MDGA2: variants seen among roughly 807,000 people sequenced by gnomAD.
MDGA2 encodes the protein MAM domain-containing glycosylphosphatidylinositol anchor protein 2.
In MDGA2, 40 loss-of-function variants were observed where a neutral mutation model predicts 117.8. The observed-to-expected ratio is 0.34, with a 90% CI of 0.26 to 0.44. MDGA2 has a LOEUF of 0.44. MDGA2 is among the 20% of genes least tolerant of loss of function. The pLI is 1.00. For synonymous variants in MDGA2, 452 were observed against 439.0 expected (o/e 1.03, Z -0.37); for missense variants, 1,123 against 1,250.6 (o/e 0.90, Z 1.54).
At chr14:47,044,906 T>C (rs765873088) in intron 7 of MDGA2, among the ~76,000 whole-genome samples, 2 of 152,060 alleles carry the variant, frequency 1.3e-5, no homozygotes, top group African/African-American at 2.4e-5. Flanking sequence ...TTGAAACATA[T>C]GGGGAGAAAT....
intron 1 of MDGA2, among the ~76,000 whole-genome samples, chr14:47,552,677 G>A (rs766221409): frequency 4.6e-5 from 7 of 151,854 alleles, no homozygotes; most frequent in Admixed American, 6.6e-5. Context: ...AAATGTAAGA[G>A]AAAAAGTCAG....
chr14:46,996,484 G>T (rs148714035), intron 8 of MDGA2: 1 of 152,278 alleles, frequency 6.6e-6, no homozygotes, highest in Non-Finnish European at 1.5e-5. Context: ...GAACACTGAC[G>T]TCGTCTCAGA....
chr14:47,177,731 C>T (rs1269209780), intron 3 of MDGA2, among the ~76,000 whole-genome samples: 2 of 152,016 alleles, frequency 1.3e-5, no homozygotes, highest in Non-Finnish European at 2.9e-5. Context: ...AGCACACCAG[C>T]ATGGCACACG....
chr14:47,638,300 G>C (rs1566553286), intron 1 of MDGA2, among the ~76,000 whole-genome samples: 1 of 152,160 alleles, frequency 6.6e-6, no homozygotes, highest in African/African-American at 2.4e-5. Flanking sequence ...TTCAGGGGAA[G>C]ATAATAAATT....
intron 3 of MDGA2, among the ~76,000 whole-genome samples, chr14:47,175,136 C>G (rs927974025): frequency 3.4e-4 from 51 of 151,738 alleles, no homozygotes; most frequent in African/African-American, 1.1e-3. Flanking sequence ...ATAACAGGCT[C>G]TGAAATTGTG....
At chr14:47,066,031 T>C (rs1199367392) in intron 6 of MDGA2, among the ~76,000 whole-genome samples, 3 of 152,176 alleles carry the variant, frequency 2.0e-5, no homozygotes, top group African/African-American at 7.2e-5. Flanking sequence ...GTGTGAAAGA[T>C]GAAGTATTTT....
chr14:47,539,942 C>A (rs563001600), intron 1 of MDGA2, among the ~76,000 whole-genome samples: 1 of 152,314 alleles, frequency 6.6e-6, no homozygotes, highest in African/African-American at 2.4e-5. Context: ...CCATTCAGGG[C>A]ATCTGCCCTT....
intron 1 of MDGA2, among the ~76,000 whole-genome samples, chr14:47,443,818 G>A (rs998191241): frequency 1.1e-4 from 16 of 152,042 alleles, no homozygotes; most frequent in African/African-American, 2.4e-4. Flanking sequence ...TTGGAATTTC[G>A]GCATCCATAA....
chr14:47,446,112 T>TA (rs1022879640), intron 1 of MDGA2, among the ~76,000 whole-genome samples: 15 of 152,078 alleles, frequency 9.9e-5, no homozygotes, highest in African/African-American at 3.6e-4. Flanking sequence ...CTCACTTCCT[T>TA]AAAAAAATTA....
At chr14:47,159,941 TTTC>T (rs1339536031) in intron 3 of MDGA2, among the ~76,000 whole-genome samples, 1 of 152,230 alleles carries the variant, frequency 6.6e-6, no homozygotes, top group Admixed American at 6.5e-5. Flanking sequence ...ATGACTGTCT[TTTC>T]TTGCATAGCT....
intron 8 of MDGA2, among the ~76,000 whole-genome samples, chr14:46,979,031 T>C (rs1886570508): frequency 6.6e-6 from 1 of 152,170 alleles, no homozygotes; most frequent in African/African-American, 2.4e-5. Flanking sequence ...CAACCCTGCA[T>C]TGAGCAAATT....
chr14:47,354,563 C>T (rs1465937456), intron 1 of MDGA2, among the ~76,000 whole-genome samples: 3 of 152,214 alleles, frequency 2.0e-5, no homozygotes, highest in Non-Finnish European at 4.4e-5. Flanking sequence ...TGCCGCTACT[C>T]CACCTCTAAA....
intron 1 of MDGA2, among the ~76,000 whole-genome samples, chr14:47,365,102 GAACTA>G (rs1233955165): frequency 6.6e-6 from 1 of 152,176 alleles, no homozygotes; most frequent in Non-Finnish European, 1.5e-5. Context: ...TGGGATTGGG[GAACTA>G]AACAGTTGCC....
At chr14:46,869,351 C>CTTT (rs35619816) in intron 14 of MDGA2, among the ~76,000 whole-genome samples, 2,042 of 119,062 alleles carry the variant, frequency 0.017, 72 homozygotes, top group African/African-American at 0.058. Context: ...CTATGAGATT[C>CTTT]TTTTTTTTTT....
At chr14:47,173,044 T>C (rs1042325241) in intron 3 of MDGA2, among the ~76,000 whole-genome samples, 2 of 152,008 alleles carry the variant, frequency 1.3e-5, no homozygotes, top group African/African-American at 4.8e-5. Context: ...GAAGAAAGGG[T>C]ATCAGTGATG....
Position 47,476,382 on chromosome 14 carries a change from G to GT in MDGA2, c.281-174833dup, listed in dbSNP as rs1053260812. ...TTAGAGACACACGTAAACAACTTAG[G>GT]TTTTTTTTTGTAAAATAAAGATTGA... On this transcript the variant is annotated intron_variant, in intron 1 of 16. Coordinates refer to ENST00000399232, the MANE Select transcript of MDGA2 (RefSeq NM_001113498.3). Among the ~76,000 whole-genome samples, 58 of 151,058 alleles carry GT rather than the reference G, an allele frequency of 3.8e-4. 1 individual carries two copies. Among genetic ancestry groups the GT allele is most frequent in the East Asian group, 3.5e-3 (18 of 5,156 alleles).
intron 1 of MDGA2, among the ~76,000 whole-genome samples, chr14:47,635,694 CAATT>C (rs563926626): frequency 9.1e-4 from 139 of 152,218 alleles, no homozygotes; most frequent in Middle Eastern, 6.8e-3. Context: ...TCAGAGAAAA[CAATT>C]AACCCCCCAA....
chr14:47,266,128 G>T (rs1393483361), intron 2 of MDGA2, among the ~76,000 whole-genome samples: 1 of 152,214 alleles, frequency 6.6e-6, no homozygotes, highest in South Asian at 2.1e-4. Flanking sequence ...AGTTTAAATA[G>T]ACTAAGTAAC....
intron 6 of MDGA2, among the ~76,000 whole-genome samples, chr14:47,075,468 A>G (rs1292258189): frequency 1.3e-5 from 2 of 152,176 alleles, no homozygotes; most frequent in Non-Finnish European, 2.9e-5. Context: ...CTAATCATTA[A>G]CCTGAACAAA....
Sources: gnomAD v4.1 joint callset for allele counts (sites outside exome capture counted in the v4.1 genomes callset) on GRCh38, gnomAD v4.1.1 for gene constraint, MANE v1.5 for transcripts, NCBI Gene and HGNC (gene_info 2026-07-23, HGNC 2026-07-21) for gene names.